Variants in SEMA4D observed in about 807,000 individuals in gnomAD.
The protein encoded by SEMA4D is semaphorin 4D.
A neutral mutation model predicts 74.8 loss-of-function variants in SEMA4D; 22 were observed. The observed-to-expected ratio is 0.29, with a 90% CI of 0.21 to 0.42. SEMA4D has a LOEUF of 0.42. Among genes scored for constraint, SEMA4D ranks in the 10% least tolerant of loss-of-function variants. The pLI is 1.00. For synonymous variants in SEMA4D, 445 were observed against 463.7 expected, an observed-to-expected ratio of 0.96 and a Z score of 0.52; for missense variants, 937 against 1,118.4, an observed-to-expected ratio of 0.84 and a Z score of 2.31.
At chr9:89,420,746 C>CA (rs1846754596) in intron 2 of SEMA4D, among the ~76,000 whole-genome samples, 1 of 152,244 alleles carries the variant, frequency 6.6e-6, no homozygotes, top group African/African-American at 2.4e-5. Context: ...ACCTGGGTTC[C>CA]AGTCCTGGCT....
intron 2 of SEMA4D, among the ~76,000 whole-genome samples, chr9:89,409,066 A>C (rs1005655034): frequency 7.9e-5 from 12 of 152,254 alleles, no homozygotes; most frequent in African/African-American, 2.4e-4. Context: ...ACAAACCGCT[A>C]CATCCAGACA....
chr9:89,415,681 C>T (rs1845557262), intron 2 of SEMA4D, among the ~76,000 whole-genome samples: 1 of 152,170 alleles, frequency 6.6e-6, no homozygotes, highest in Non-Finnish European at 1.5e-5. Flanking sequence ...CCTTGATCTT[C>T]GACTTCCCAG....
At chr9:89,369,866 ATGTG>A (rs149822470) in intron 16 of SEMA4D, among the ~76,000 whole-genome samples, 3 of 151,244 alleles carry the variant, frequency 2.0e-5, no homozygotes, top group East Asian at 1.9e-4. Flanking sequence ...TAAGTCAACA[ATGTG>A]TGTGTGTGTG....
chr9:89,371,980 GTCTGGGGTGTGGT>G (rs1564501855), intron 16 of SEMA4D, among the ~76,000 whole-genome samples: 4 of 12,204 alleles, frequency 3.3e-4, no homozygotes, highest in East Asian at 3.0e-3. Flanking sequence ...TGTGGTGTGT[GTCTGGGGTGTGGT>G]GTGTGTCTGG....
rs149813200 is a variant in SEMA4D, at chr9:89,401,299, C to T, written c.252+1572G>A. Among the ~76,000 whole-genome samples the T allele has an allele frequency of 2.6e-3, 403 of 152,306 alleles. 1 individual carries two copies. Among genetic ancestry groups the T allele is most frequent in the Non-Finnish European group, 4.5e-3 (307 of 68,026 alleles). ...CTCAAACTCTTGAGCTCAAGTAATCCGCCTACCTCGACCTCCCACAGTGTT... is the reference window on the plus strand; with the variant it reads ...CTCAAACTCTTGAGCTCAAGTAATCTGCCTACCTCGACCTCCCACAGTGTT... On this transcript the variant is annotated intron_variant, in intron 4 of 15. Coordinates refer to ENST00000422704, the MANE Select transcript of SEMA4D (RefSeq NM_001371194.2).
At chr9:89,375,936 T>G (rs1265112887), downstream of SEMA4D, among the ~76,000 whole-genome samples, 1 of 152,164 alleles carries the variant, frequency 6.6e-6, no homozygotes, top group Non-Finnish European at 1.5e-5. Context: ...CCATCATACC[T>G]TACTGTAACC....
At chr9:89,466,224 A>G (rs1437642200) in intron 1 of SEMA4D, among the ~76,000 whole-genome samples, 3 of 152,164 alleles carry the variant, frequency 2.0e-5, no homozygotes, top group Non-Finnish European at 4.4e-5. Context: ...AATGACACAC[A>G]CAAACATAAT....
intron 13 of SEMA4D, chr9:89,385,993 G>A (rs950220024): frequency 5.5e-5 from 54 of 985,262 alleles, no homozygotes; most frequent in African/African-American, 2.4e-4. Flanking sequence ...CCACGGTGAC[G>A]AGTCAGCTGT....
At chr9:89,495,715 C>T (rs1281619630) in intron 1 of SEMA4D, among the ~76,000 whole-genome samples, 2 of 152,172 alleles carry the variant, frequency 1.3e-5, no homozygotes, top group East Asian at 3.9e-4. Context: ...TGGCAAGTTT[C>T]ATCCCCATGG....
chr9:89,495,019 G>A (rs1054223856), intron 1 of SEMA4D, among the ~76,000 whole-genome samples: 1 of 152,182 alleles, frequency 6.6e-6, no homozygotes, highest in Non-Finnish European at 1.5e-5. Context: ...CCTGGATCAG[G>A]CTTTGATCGA....
chr9:89,431,098 G>C (rs919771894), intron 2 of SEMA4D, among the ~76,000 whole-genome samples: 2 of 152,202 alleles, frequency 1.3e-5, no homozygotes, highest in African/African-American at 4.8e-5. Flanking sequence ...GACAAATACA[G>C]ATAAACATTC....
chr9:89,437,518 C>T (rs751486653), intron 2 of SEMA4D, among the ~76,000 whole-genome samples: 4 of 152,362 alleles, frequency 2.6e-5, no homozygotes, highest in African/African-American at 9.6e-5. Flanking sequence ...CCCTAGCAGG[C>T]GGCAGCGACA....
At chr9:89,373,301 G>A (rs187431425), downstream of SEMA4D, among the ~76,000 whole-genome samples, 32 of 152,286 alleles carry the variant, frequency 2.1e-4, no homozygotes, top group Admixed American at 6.5e-4. Flanking sequence ...TTCAGGAAGC[G>A]CTTTGGCCTC....
chr9:89,400,903 C>T (rs1419615288), intron 4 of SEMA4D, among the ~76,000 whole-genome samples: 1 of 152,196 alleles, frequency 6.6e-6, no homozygotes, highest in East Asian at 1.9e-4. Flanking sequence ...AGCACAAACA[C>T]ACTGTCCACA....
chr9:89,461,700 C>CTCTCTTTTTTT (rs71281350), intron 1 of SEMA4D, among the ~76,000 whole-genome samples: 44 of 103,654 alleles, frequency 4.2e-4, no homozygotes, highest in African/African-American at 1.2e-3. Context: ...TCTTTTTTCT[C>CTCTCTTTTTTT]TTTTTTTTTT....
chr9:89,408,611 A>G (rs1843805268), intron 2 of SEMA4D, among the ~76,000 whole-genome samples: 1 of 152,184 alleles, frequency 6.6e-6, no homozygotes, highest in Admixed American at 6.5e-5. Flanking sequence ...CTTAAAGCAG[A>G]AGAGGACTGC....
chr9:89,407,876 G>A lies in SEMA4D; in HGVS notation c.-243-2177C>T, dbSNP rs146589923. 2.5e-3 allele frequency among the ~76,000 whole-genome samples: 383 copies of A among 152,296 alleles called. 2 individuals carry two copies. The highest frequency in any genetic ancestry group is 8.3e-3 in the African/African-American group (343 of 41,566). On this transcript the variant is annotated intron_variant, in intron 2 of 15. Coordinates refer to ENST00000422704, the MANE Select transcript of SEMA4D (RefSeq NM_001371194.2). ...CAGATGTGTCTGTTCTGAAGTTGCC[G>A]GTCTAAATCCCACTGCACAGTCTCA...
chr9:89,432,782 G>A (rs1256240712), intron 2 of SEMA4D, among the ~76,000 whole-genome samples: 1 of 152,186 alleles, frequency 6.6e-6, no homozygotes, highest in Non-Finnish European at 1.5e-5. Flanking sequence ...CTTTGCTGTG[G>A]GAATGCAATA....
intron 2 of SEMA4D, among the ~76,000 whole-genome samples, chr9:89,406,734 C>T (rs911166139): frequency 6.6e-6 from 1 of 152,170 alleles, no homozygotes; most frequent in Non-Finnish European, 1.5e-5. Context: ...CCCTTGCTCC[C>T]CCTTCTATCC....
Sources: gnomAD v4.1 joint callset for allele counts (sites outside exome capture counted in the v4.1 genomes callset) on GRCh38, gnomAD v4.1.1 for gene constraint, MANE v1.5 for transcripts, NCBI Gene and HGNC (gene_info 2026-07-23, HGNC 2026-07-21) for gene names.